LOXL4: variants seen among roughly 807,000 people sequenced by gnomAD.
LOXL4 encodes lysyl oxidase like 4, also known as lysyl oxidase homolog 4.
A neutral mutation model predicts 89.1 loss-of-function variants in LOXL4; 72 were observed. That is an observed-to-expected ratio of 0.81 (90% CI 0.67 to 0.98). LOXL4 has a LOEUF of 0.98. Among genes scored for constraint, LOXL4 ranks in the 50% least tolerant of loss-of-function variants. The pLI is 0.00. For synonymous variants in LOXL4, 355 were observed against 392.1 expected (o/e 0.91, Z 1.12); for missense variants, 984 against 1,017.5 (o/e 0.97, Z 0.45).
chr10:98,253,588 A>C lies in LOXL4; in HGVS notation c.1800T>G (p.Thr600=). ...GGTGCCAAACCCAGCTATCGCGTCC[A>C]GTCTTTGGACGAAAGTCAGTCCGGC... ...NLGRTDFRPK[T]GRDSWVWHQC... Residue 600 remains threonine, a synonymous_variant, in exon 11 of 15, where the codon ACT becomes ACG. Transcript: ENST00000260702. The C allele has an allele frequency of 6.2e-7, 1 of 1,614,274 alleles. No homozygotes were observed.
In LOXL4 at chr10:98,256,875, G is replaced by T. The variant is rs145386758; in HGVS notation, c.1333C>A (p.Arg445Ser). The T allele has an allele frequency of 6.2e-7, 1 of 1,614,160 alleles. No homozygotes were observed. Among genetic ancestry groups the T allele is most frequent in the East Asian group, 2.2e-5 (1 of 44,880 alleles). The change falls in exon 9 of 15, where the codon CGC becomes AGC. Residue 445 changes from arginine to serine, a missense_variant. Coordinates refer to ENST00000260702, the MANE Select transcript of LOXL4 (RefSeq NM_032211.7). ...TTTTCACTGCACACGCTCCCCCAGC[G>T]TGGGACCCCGTTCACCTCCACCTGC... ...EVQVEVNGVP[R>S]WGSVCSENWG... is the part of the protein sequence containing the mutation.
intron 10 of LOXL4, among the ~76,000 whole-genome samples, chr10:98,254,990 T>C (rs545287943): frequency 6.6e-6 from 1 of 152,338 alleles, no homozygotes; most frequent in East Asian, 1.9e-4. Flanking sequence ...ATATAGTCCA[T>C]CTTGGCACTG....
chr10:98,250,821 A>T (rs3750596), intron 14 of LOXL4, among the ~76,000 whole-genome samples: 61,178 of 152,084 alleles, frequency 0.4, 12,810 homozygotes, highest in South Asian at 0.57. Flanking sequence ...GTTTACAATC[A>T]AACAGCCTTA....
At position 98,260,998 on chromosome 10, in the gene LOXL4, T is replaced by A; in HGVS notation, c.586A>T (p.Thr196Ser). ...CACACCACCCTGCTGTTGTTCATGG[T>A]CCAGCCCTGGTCACACACCTGCCGC... ...HWRQVCDQGW[T>S]MNNSRVVCGM... is the part of the protein sequence containing the mutation. The change falls in exon 4 of 15, where the codon ACC becomes TCC. Residue 196 changes from threonine (T) to serine (S), a missense_variant. By Grantham distance (58) the Thr-to-Ser change is moderately conservative. Coordinates refer to ENST00000260702, the MANE Select transcript of LOXL4 (RefSeq NM_032211.7). The A allele has an allele frequency of 6.2e-7, 1 of 1,614,002 alleles. No homozygotes were observed. Among genetic ancestry groups the A allele is most frequent in the Non-Finnish European group, 8.5e-7 (1 of 1,180,028 alleles).
chr10:98,248,250 T>G lies in LOXL4; in HGVS notation c.*671A>C, dbSNP rs1858093583. The G allele has an allele frequency of 6.6e-6, 1 of 152,276 alleles. No individual in the cohort carries two copies. The highest frequency in any genetic ancestry group is 6.5e-5 in the Admixed American group (1 of 15,280). 9.4% of individuals were successfully genotyped at this position (152,276 alleles called of 1,614,324 possible). A position where few individuals can be genotyped will look rare whatever the true frequency, so the allele number is the denominator to read the frequency against. ...TGGCCATTTCTGTGAAACTTGCCCC[T>G]TCTCAAGCACTCCGTAACTGTTGGT... is the stretch of plus-strand genomic sequence containing the variant. On this transcript the variant is annotated 3_prime_UTR_variant, in exon 15 of 15. Coordinates refer to ENST00000260702, the MANE Select transcript of LOXL4 (RefSeq NM_032211.7).
chr10:98,267,910 G>A (rs1165400650), intron 1 of LOXL4, among the ~76,000 whole-genome samples: 1 of 152,174 alleles, frequency 6.6e-6, no homozygotes, highest in Non-Finnish European at 1.5e-5. Flanking sequence ...ACCACTCAGG[G>A]CGGGCCTTGG....
rs370422498 is a variant in LOXL4, at chr10:98,254,364, C to T, written c.1592-568G>A. Reference sequence around the variant, plus strand: ...AAAGTAGTCCTGGGCGGAAGTGAGGCCCTGCCACACCACTGACCACAGCAT... The same window carrying T: ...AAAGTAGTCCTGGGCGGAAGTGAGGTCCTGCCACACCACTGACCACAGCAT... On this transcript the variant is annotated intron_variant, in intron 10 of 14. Transcript: ENST00000260702. Among the ~76,000 whole-genome samples, 5 of 152,336 alleles carry T rather than the reference C, an allele frequency of 3.3e-5. No individual in the cohort carries two copies. In the East Asian group the frequency reaches 7.7e-4, roughly 24 times the overall value.
intron 11 of LOXL4, 111 bp from the exon 12 acceptor site, chr10:98,252,579 A>G: frequency 1.4e-6 from 1 of 713,008 alleles, no homozygotes; most frequent in Non-Finnish European, 2.4e-6. Flanking sequence ...GAGGAAAGTT[A>G]TAGTAGGCAG....
intron 14 of LOXL4, 28 bp downstream of exon 14, chr10:98,251,037 G>A: frequency 6.5e-7 from 1 of 1,528,284 alleles, no homozygotes; most frequent in Non-Finnish European, 9.1e-7. Context: ...GCCTATAGAT[G>A]GCTGATTCCA....
At chr10:98,259,528 T>C in intron 4 of LOXL4, 99 bp from the exon 5 acceptor site, 2 of 1,037,244 alleles carry the variant, frequency 1.9e-6, no homozygotes, top group Non-Finnish European at 3.0e-6. Context: ...GCACAGGACT[T>C]TACATTTTGT....
chr10:98,256,218 A>G (rs1164724786), intron 9 of LOXL4: 1 of 176,956 alleles, frequency 5.7e-6, no homozygotes, highest in East Asian at 1.8e-4. Context: ...TTTTAGATCT[A>G]TCCACTTATT....
At chr10:98,250,975 C>T (rs1398144434) in intron 14 of LOXL4, 90 bp downstream of exon 14, 5 of 891,484 alleles carry the variant, frequency 5.6e-6, no homozygotes, top group African/African-American at 3.3e-5. Context: ...ATACAAGTCA[C>T]ACGCTGGAGT....
chr10:98,260,072 A>T (rs1250424772), intron 4 of LOXL4, among the ~76,000 whole-genome samples: 1 of 152,194 alleles, frequency 6.6e-6, no homozygotes, highest in African/African-American at 2.4e-5. Flanking sequence ...GGAAACACAC[A>T]AGTCCTCCCT....
intron 1 of LOXL4, among the ~76,000 whole-genome samples, chr10:98,263,703 CTCTTTCTTTCTTTTTTCTT>C (rs1467194302): frequency 2.6e-5 from 4 of 151,520 alleles, no homozygotes; most frequent in African/African-American, 4.9e-5. Flanking sequence ...TAGGTCCTGA[CTCTTTCTTTCTTTTTTCTT>C]TCTTTCTTTC....
chr10:98,266,217 G>A (rs1406492165), intron 1 of LOXL4, among the ~76,000 whole-genome samples: 1 of 152,184 alleles, frequency 6.6e-6, no homozygotes, highest in Admixed American at 6.5e-5. Context: ...CATGGGTCTG[G>A]GCTGAGTGAC....
Position 98,258,070 on chromosome 10 carries a change from C to A in LOXL4, c.1016G>T (p.Arg339Met). 3 of 1,613,768 alleles carry A rather than the reference C, an allele frequency of 1.9e-6. No homozygotes were observed. In the South Asian group the frequency reaches 3.3e-5, roughly 18 times the overall value. ...NRQWGTVCDH[R>M]WNLISASVVC... ...GACACTGGCAGAGATGAGGTTCCAC[C>A]TGTGGTCACAGACCGTGCCCCACTG... The change falls in exon 7 of 15, where the codon AGG (arginine) becomes ATG (methionine). Residue 339 changes from arginine to methionine, a missense_variant. Physicochemically the swap from Arg to Met is moderately conservative, Grantham distance 91. Transcript: ENST00000260702.
In LOXL4 at chr10:98,253,627, C is replaced by G; in HGVS notation, c.1761G>C (p.Gln587His). Residue 587 changes from glutamine (Q) to histidine (H), a missense_variant, in exon 11 of 15, where the codon CAG becomes CAC. Gln to His is a conservative substitution (Grantham distance 24). Transcript: ENST00000260702. ...AGTCAGTCCGGCCCAGATTGTAGAT[C>G]TGTGTGGAGAAGCGCAATAGGCGGC... is the stretch of plus-strand genomic sequence containing the variant. ...GYRRLLRFST[Q>H]IYNLGRTDFR... 6.2e-7 allele frequency: 1 copy of G among 1,614,264 alleles called. No homozygotes were observed. The highest frequency in any genetic ancestry group is 1.6e-4 in the Middle Eastern group (1 of 6,062).
chr10:98,253,202 G>C (rs563790606), intron 11 of LOXL4, among the ~76,000 whole-genome samples: 150 of 152,346 alleles, frequency 9.8e-4, no homozygotes, highest in Non-Finnish European at 1.7e-3. Flanking sequence ...TGGGCCCCCA[G>C]GTTCCTGGGA....
chr10:98,264,207 T>C (rs1295303458), intron 1 of LOXL4, among the ~76,000 whole-genome samples: 1 of 150,834 alleles, frequency 6.6e-6, no homozygotes, highest in Non-Finnish European at 1.5e-5. Flanking sequence ...AATTAAGACA[T>C]CGAACACCCT....
Sources: allele counts gnomAD v4.1 joint callset (sites outside exome capture counted in the v4.1 genomes callset), GRCh38; gene constraint gnomAD v4.1.1; transcripts MANE v1.5; gene names NCBI Gene and HGNC (gene_info 2026-07-23, HGNC 2026-07-21).